CLTCL1: variants seen among roughly 807,000 people sequenced by gnomAD.
CLTCL1 encodes clathrin heavy chain like 1.
A neutral mutation model predicts 190.0 loss-of-function variants in CLTCL1; 159 were observed. The ratio of observed to expected loss-of-function variants is 0.84; its 90% CI spans 0.74 to 0.95. The LOEUF (loss-of-function observed/expected upper bound fraction) is 0.95. Among genes scored for constraint, CLTCL1 ranks in the 40% least tolerant of loss-of-function variants. The pLI is 0.00. For missense variants in CLTCL1, 1,878 were observed against 2,033.4 expected (o/e 0.92, Z 1.47); for synonymous variants, 752 against 769.6 (o/e 0.98, Z 0.38).
chr22:19,237,639 C>G (rs528478916), intron 5 of CLTCL1, among the ~76,000 whole-genome samples: 1 of 152,310 alleles, frequency 6.6e-6, no homozygotes, highest in East Asian at 1.9e-4. Context: ...AAATACCAAT[C>G]AACAGGGGAT....
At chr22:19,227,682 T>C (rs2085793814) in intron 11 of CLTCL1, among the ~76,000 whole-genome samples, 2 of 152,158 alleles carry the variant, frequency 1.3e-5, no homozygotes, top group South Asian at 4.1e-4. Context: ...CTCGATCTCT[T>C]GACCATGTGA....
chr22:19,219,173 A>AT (rs782745069), intron 18 of CLTCL1, among the ~76,000 whole-genome samples: 2 of 132,740 alleles, frequency 1.5e-5, no homozygotes, highest in Admixed American at 1.6e-4. Context: ...TTATTTATTT[A>AT]TTTATTTATT....
intron 22 of CLTCL1, among the ~76,000 whole-genome samples, chr22:19,205,487 G>A (rs1181552190): frequency 1.3e-5 from 2 of 152,198 alleles, no homozygotes; most frequent in Non-Finnish European, 2.9e-5. Flanking sequence ...TGTAGCCTGG[G>A]TGACAGAGGA....
chr22:19,201,619 C>T (rs968222283), intron 22 of CLTCL1, 126 bp from the exon 23 acceptor site: 43 of 1,024,728 alleles, frequency 4.2e-5, no homozygotes, highest in Non-Finnish European at 5.7e-5. Flanking sequence ...TCTTTCTGAT[C>T]GCACCAGTGA....
chr22:19,184,914 T>A, intron 29 of CLTCL1: 3 of 242,100 alleles, frequency 1.2e-5, no homozygotes, highest in Non-Finnish European at 2.5e-5. Flanking sequence ...CATCCCTGTG[T>A]CCAGCTCTCC....
intron 19 of CLTCL1, 95 bp downstream of exon 19, chr22:19,216,016 A>G (rs1601545090): frequency 1.6e-6 from 2 of 1,237,268 alleles, no homozygotes; most frequent in Admixed American, 4.5e-5. Flanking sequence ...GGCAGGCTGG[A>G]TGGGTGAAGC....
At chr22:19,289,472 T>C (rs1163759776) in intron 1 of CLTCL1, among the ~76,000 whole-genome samples, 4 of 151,686 alleles carry the variant, frequency 2.6e-5, no homozygotes, top group African/African-American at 7.3e-5. Flanking sequence ...GGGGAAAAAA[T>C]GGGGACAAAA....
intron 17 of CLTCL1, 52 bp downstream of exon 17, chr22:19,221,324 GC>G: frequency 7.1e-7 from 1 of 1,411,830 alleles, no homozygotes; most frequent in Non-Finnish European, 9.6e-7. Context: ...ACCTTTGAAA[GC>G]TTCCCTGGGA....
intron 26 of CLTCL1, among the ~76,000 whole-genome samples, chr22:19,196,026 C>T (rs1327891423): frequency 6.6e-6 from 1 of 152,002 alleles, no homozygotes; most frequent in African/African-American, 2.4e-5. Context: ...GCTGGCCTGA[C>T]CCTGCCCGCA....
chr22:19,287,973 A>C (rs2087967389), intron 1 of CLTCL1, among the ~76,000 whole-genome samples: 1 of 152,176 alleles, frequency 6.6e-6, no homozygotes, highest in Admixed American at 6.5e-5. Context: ...TAGTCTGAAA[A>C]TATTAAATGT....
At chr22:19,232,622 A>C (rs1183626026) in intron 9 of CLTCL1, 24 bp from the exon 10 acceptor site, 8 of 1,596,856 alleles carry the variant, frequency 5.0e-6, no homozygotes, top group Non-Finnish European at 6.8e-6. Flanking sequence ...AGCACCAATC[A>C]GGAAAATCAA....
intron 7 of CLTCL1, among the ~76,000 whole-genome samples, chr22:19,234,103 C>T (rs1407769387): frequency 6.6e-6 from 1 of 152,046 alleles, no homozygotes; most frequent in African/African-American, 2.4e-5. Context: ...AGCCATATGC[C>T]GAAATGCTAT....
intron 22 of CLTCL1, among the ~76,000 whole-genome samples, chr22:19,206,604 TTC>T (rs1300644662): frequency 6.6e-6 from 1 of 152,184 alleles, no homozygotes; most frequent in African/African-American, 2.4e-5. Flanking sequence ...GTTATTTTTT[TTC>T]TTTTTCCTTT....
rs2086852069 is a variant in CLTCL1 at position 19,258,862 on chromosome 22, G to T, written c.251-4635C>A. 13 of 510,126 alleles carry T rather than the reference G, an allele frequency of 2.5e-5. 1 individual carries two copies. In the South Asian group the frequency reaches 2.9e-4, roughly 12 times the overall value. 31.6% of individuals were successfully genotyped at this position (510,126 alleles called of 1,614,324 possible). ...CAGGAGGCCAGTAAAAAGTTCACAGGTTAAAAAAAACCCCAACAATTAAAA... is the reference window on the plus strand; with the variant it reads ...CAGGAGGCCAGTAAAAAGTTCACAGTTTAAAAAAAACCCCAACAATTAAAA... On this transcript the variant is annotated intron_variant, in intron 2 of 32. Transcript: ENST00000427926.
At chr22:19,271,467 A>C (rs2087316546) in intron 2 of CLTCL1, among the ~76,000 whole-genome samples, 1 of 152,168 alleles carries the variant, frequency 6.6e-6, no homozygotes, top group Non-Finnish European at 1.5e-5. Flanking sequence ...GTGTGTGTGT[A>C]TGGCACTCCC....
chr22:19,239,511 A>G (rs2086184042), intron 4 of CLTCL1, 123 bp from the exon 5 acceptor site: 2 of 742,886 alleles, frequency 2.7e-6, no homozygotes, highest in African/African-American at 1.7e-5. Flanking sequence ...TAAAAGTCAC[A>G]TTCAACCAAA....
chr22:19,242,748 G>A (rs1601625028), intron 4 of CLTCL1, 27 bp downstream of exon 4: 3 of 1,613,448 alleles, frequency 1.9e-6, no homozygotes, highest in Non-Finnish European at 2.5e-6. Flanking sequence ...ACTTTTCTCA[G>A]GGAGAAGACA....
chr22:19,233,290 A>T lies in CLTCL1; in HGVS notation c.1397T>A (p.Leu466Ter). ...KLECSEELGD[L>*]VKTTDPMLAL... ...GAGCATGGGGTCAGTGGTTTTGACC[A>T]AGTCTCCGAGCTCCTCTGAGCACTC... The change falls in exon 9 of 33, where the codon TTG becomes TAG. Residue 466 changes from leucine to a stop codon, truncating the protein, a stop_gained. Coordinates refer to ENST00000427926, the MANE Select transcript of CLTCL1 (RefSeq NM_007098.4). LOFTEE classifies it high-confidence loss of function. 1 of 1,613,700 alleles carries T rather than the reference A, an allele frequency of 6.2e-7. No homozygotes were observed. The highest frequency in any genetic ancestry group is 8.5e-7 in the Non-Finnish European group (1 of 1,179,574).
chr22:19,285,636 G>C (rs527780773), intron 1 of CLTCL1, among the ~76,000 whole-genome samples: 2 of 152,310 alleles, frequency 1.3e-5, no homozygotes, highest in Admixed American at 6.5e-5. Flanking sequence ...AGCCTGCCAA[G>C]AGTGATGGTC....
Sources: gnomAD v4.1 joint callset for allele counts (sites outside exome capture counted in the v4.1 genomes callset) on GRCh38, gnomAD v4.1.1 for gene constraint, MANE v1.5 for transcripts, NCBI Gene and HGNC (gene_info 2026-07-23, HGNC 2026-07-21) for gene names.